The following CCDC50 variants were observed in gnomAD, a reference collection of about 807,000 sequenced individuals.
The protein encoded by CCDC50 is coiled-coil domain-containing protein 50.
Under a neutral mutation model 70.2 loss-of-function variants are expected in CCDC50, and 54 were observed. That is an observed-to-expected ratio of 0.77 (90% confidence interval 0.62 to 0.96). CCDC50 has a LOEUF of 0.96. Ranked by LOEUF, CCDC50 falls within the 50% of genes least tolerant of loss-of-function variation. The pLI, the probability that CCDC50 is intolerant of heterozygous loss-of-function variation, is 0.00. For synonymous variants in CCDC50, 216 were observed against 198.8 expected, an observed-to-expected ratio of 1.09 and a Z score of -0.73; for missense variants, 558 against 578.7, an observed-to-expected ratio of 0.96 and a Z score of 0.37.
rs1042375215 is a variant in CCDC50 at position 191,337,955 on chromosome 3, T to C, written c.49+8232T>C. Among the ~76,000 whole-genome samples, 39 of 152,192 alleles carry C rather than the reference T, an allele frequency of 2.6e-4. 1 individual carries two copies. Among genetic ancestry groups the C allele is most frequent in the Admixed American group, 2.4e-3 (36 of 15,296 alleles). On this transcript the variant is annotated intron_variant, in intron 1 of 11. Coordinates refer to ENST00000392455, the MANE Select transcript of CCDC50 (RefSeq NM_178335.3). Reference sequence around the variant, plus strand: ...TACCTAGGCTAATTTATCACCAAATTTTTCATCTTGCCTGATGAGCATTTC... The same window carrying C: ...TACCTAGGCTAATTTATCACCAAATCTTTCATCTTGCCTGATGAGCATTTC...
At chr3:191,342,839 A>G (rs988378541) in intron 1 of CCDC50, among the ~76,000 whole-genome samples, 1 of 152,228 alleles carries the variant, frequency 6.6e-6, no homozygotes, top group African/African-American at 2.4e-5. Flanking sequence ...ATTGTCTACT[A>G]CTGCTTATAT....
chr3:191,365,922 T>G (rs568904317), intron 4 of CCDC50, among the ~76,000 whole-genome samples: 1 of 152,302 alleles, frequency 6.6e-6, no homozygotes, highest in Admixed American at 6.5e-5. Flanking sequence ...GCATTTTCTT[T>G]GAGCATCATG....
In CCDC50 at chr3:191,397,613, C is replaced by T. The variant is rs1367268322; in HGVS notation, c.*5853C>T. 1 of 152,182 alleles carries T rather than the reference C, an allele frequency of 6.6e-6. No individual in the cohort carries two copies. Among genetic ancestry groups the T allele is most frequent in the Non-Finnish European group, 1.5e-5 (1 of 68,042 alleles). The allele number at this position is 152,182 out of a possible 1,614,324, so 9.4% of individuals were successfully genotyped here. The stretch of plus-strand genomic sequence containing the variant: ...AGTACAAGAGTTTGCTCATATAAAT[C>T]AAGTTGCCCAGGAAACCTGAGGTGA... On this transcript the variant is annotated 3_prime_UTR_variant, in exon 12 of 12. Coordinates refer to ENST00000392455, the MANE Select transcript of CCDC50 (RefSeq NM_178335.3).
Position 191,349,663 on chromosome 3 carries a change from G to A in CCDC50, c.50-7425G>A, listed in dbSNP as rs1274654992. On this transcript the variant is annotated intron_variant, in intron 1 of 11. Coordinates refer to ENST00000392455, the MANE Select transcript of CCDC50 (RefSeq NM_178335.3). ...AGGTGGTGATTACGGTAAAAGCCCA[G>A]ACTTCACTACTAGACAGTATATCCA... 1.4e-5 allele frequency among the ~76,000 whole-genome samples: 2 copies of A among 141,664 alleles called. 1 individual carries two copies. 92.9% of individuals were successfully genotyped at this position (141,664 alleles called of 152,430 possible). A position where few individuals can be genotyped will look rare whatever the true frequency, so the allele number is the denominator to read the frequency against.
intron 1 of CCDC50, among the ~76,000 whole-genome samples, chr3:191,340,555 G>A (rs1711686340): frequency 6.6e-6 from 1 of 152,200 alleles, no homozygotes; most frequent in African/African-American, 2.4e-5. Context: ...TCTTGATGGT[G>A]ATAATTTGAT....
intron 4 of CCDC50, among the ~76,000 whole-genome samples, chr3:191,364,656 G>C (rs575503166): frequency 6.6e-6 from 1 of 151,588 alleles, no homozygotes; most frequent in African/African-American, 2.4e-5. Context: ...ACAACCTTGC[G>C]TGTATAAATT....
intron 1 of CCDC50, among the ~76,000 whole-genome samples, chr3:191,350,738 A>T (rs568229934): frequency 1.4e-5 from 2 of 142,162 alleles, no homozygotes; most frequent in East Asian, 3.9e-4. Flanking sequence ...CATTCTGCAT[A>T]CTTGACTGAG....
At chr3:191,363,056 GC>G (rs1209766010) in intron 4 of CCDC50, among the ~76,000 whole-genome samples, 3 of 139,484 alleles carry the variant, frequency 2.2e-5, no homozygotes, top group Non-Finnish European at 3.0e-5. Flanking sequence ...TCTTATAAAT[GC>G]TACTGCTGTC....
chr3:191,333,731 G>A (rs1718059488), intron 1 of CCDC50, among the ~76,000 whole-genome samples: 1 of 152,060 alleles, frequency 6.6e-6, no homozygotes, highest in Admixed American at 6.5e-5. Context: ...TTCTCTGTTG[G>A]TTTAGGAATC....
chr3:191,343,953 A>G (rs1711821450), intron 1 of CCDC50, among the ~76,000 whole-genome samples: 1 of 152,202 alleles, frequency 6.6e-6, no homozygotes, highest in African/African-American at 2.4e-5. Flanking sequence ...TAAATGTAGG[A>G]TAACTCTTAA....
chr3:191,344,882 A>T (rs1430294123), intron 1 of CCDC50, among the ~76,000 whole-genome samples: 1 of 152,192 alleles, frequency 6.6e-6, no homozygotes, highest in Admixed American at 6.5e-5. Flanking sequence ...CCCAGCCAGG[A>T]TGCCAATTCT....
intron 1 of CCDC50, among the ~76,000 whole-genome samples, chr3:191,336,627 T>C (rs939489098): frequency 1.3e-5 from 2 of 152,208 alleles, no homozygotes; most frequent in African/African-American, 2.4e-5. Flanking sequence ...AATATCAGAA[T>C]GATATGGGGA....
chr3:191,379,128 A>G (rs915542235), intron 6 of CCDC50, among the ~76,000 whole-genome samples: 2 of 152,170 alleles, frequency 1.3e-5, no homozygotes, highest in African/African-American at 4.8e-5. Context: ...ATAATACACT[A>G]AACAGGTGAT....
At chr3:191,386,742 A>G (rs867355525) in intron 10 of CCDC50, among the ~76,000 whole-genome samples, 7 of 152,192 alleles carry the variant, frequency 4.6e-5, no homozygotes, top group Non-Finnish European at 1.0e-4. Flanking sequence ...AACCACACAC[A>G]CAAAATACTT....
rs144215704 is a variant in CCDC50 at position 191,364,138 on chromosome 3, C to T, written c.330+2979C>T. ...GGCTGGAGTATAGTGGCGCAATCTTCGCTCACTGCAACCACTGCCTCCTGG... is the reference window on the plus strand; with the variant it reads ...GGCTGGAGTATAGTGGCGCAATCTTTGCTCACTGCAACCACTGCCTCCTGG... On this transcript the variant is annotated intron_variant, in intron 4 of 11. Coordinates refer to ENST00000392455, the MANE Select transcript of CCDC50 (RefSeq NM_178335.3). 7.0e-3 allele frequency among the ~76,000 whole-genome samples: 1,058 copies of T among 151,044 alleles called. 8 individuals carry two copies. The highest frequency in any genetic ancestry group is 0.023 in the African/African-American group (952 of 41,098).
chr3:191,385,320 A>T (rs542833093), intron 10 of CCDC50, among the ~76,000 whole-genome samples: 5 of 152,316 alleles, frequency 3.3e-5, no homozygotes, highest in African/African-American at 1.2e-4. Context: ...CATCCATGCT[A>T]ACATCTGTTA....
intron 4 of CCDC50, among the ~76,000 whole-genome samples, chr3:191,362,283 A>G (rs1712520017): frequency 6.6e-6 from 1 of 151,902 alleles, no homozygotes; most frequent in Non-Finnish European, 1.5e-5. Flanking sequence ...ACACTTGGCT[A>G]ATATTTAAAC....
chr3:191,360,922 A>G (rs1358484929), intron 3 of CCDC50, 147 bp from the exon 4 acceptor site: 2 of 620,310 alleles, frequency 3.2e-6, no homozygotes. Context: ...TGACCGTGTC[A>G]GCCTCTTTGC....
chr3:191,387,619 A>T (rs989815552), intron 10 of CCDC50, among the ~76,000 whole-genome samples: 6 of 150,688 alleles, frequency 4.0e-5, no homozygotes, highest in Admixed American at 3.9e-4. Context: ...CTTAAGAAGT[A>T]CTTAAGAAGT....
Sources: allele counts gnomAD v4.1 joint callset (sites outside exome capture counted in the v4.1 genomes callset), GRCh38; gene constraint gnomAD v4.1.1; transcripts MANE v1.5; gene names NCBI Gene and HGNC (gene_info 2026-07-23, HGNC 2026-07-21).